Variants in ERBB4 observed in about 807,000 individuals in gnomAD.
ERBB4 encodes the protein erb-b2 receptor tyrosine kinase 4.
ERBB4 carries 42 observed loss-of-function variants against 158.0 expected under a neutral mutation model. The ratio of observed to expected loss-of-function variants is 0.27; its 90% CI spans 0.21 to 0.34. ERBB4 has a LOEUF of 0.34. Ranked by LOEUF, ERBB4 falls within the 10% of genes least tolerant of loss-of-function variation. The pLI is 1.00. For synonymous variants in ERBB4, 583 were observed against 558.7 expected (o/e 1.04, Z -0.61); for missense variants, 1,333 against 1,624.1 (o/e 0.82, Z 3.08).
At chr2:212,150,611 T>C (rs2080836396) in intron 1 of ERBB4, among the ~76,000 whole-genome samples, 4 of 152,154 alleles carry the variant, frequency 2.6e-5, no homozygotes, top group African/African-American at 9.7e-5. Context: ...GAGAATCCAA[T>C]GGGTTAAGAA....
At chr2:212,354,620 C>T (rs1000650872) in intron 1 of ERBB4, among the ~76,000 whole-genome samples, 8 of 152,210 alleles carry the variant, frequency 5.3e-5, no homozygotes, top group Admixed American at 4.6e-4. Context: ...TATCTTTAGA[C>T]CTGACTTCCA....
chr2:211,988,625 C>G (rs1043865520), intron 2 of ERBB4, among the ~76,000 whole-genome samples: 18 of 151,996 alleles, frequency 1.2e-4, no homozygotes, highest in African/African-American at 3.9e-4. Context: ...GGGAATAAGA[C>G]AGGTGTCAAA....
chr2:211,902,697 T>C (rs2079268940), intron 3 of ERBB4, among the ~76,000 whole-genome samples: 2 of 151,722 alleles, frequency 1.3e-5, no homozygotes, highest in Admixed American at 6.6e-5. Context: ...TAATTTTCCT[T>C]CTATGTATAT....
chr2:212,093,579 T>G lies in ERBB4; in HGVS notation c.234+31173A>C, dbSNP rs550691048. The stretch of plus-strand genomic sequence containing the variant: ...AATGAAAACAATGAAGCCAACTGCC[T>G]GGGTTTAAATCTTGGCTCTGCCATT... On this transcript the variant is annotated intron_variant, in intron 2 of 27. Transcript: ENST00000342788. Among the ~76,000 whole-genome samples, 12 of 152,344 alleles carry G rather than the reference T, an allele frequency of 7.9e-5. No homozygotes were observed. In the South Asian group the frequency reaches 2.5e-3, roughly 32 times the overall value.
intron 1 of ERBB4, among the ~76,000 whole-genome samples, chr2:212,417,222 T>C (rs1366337998): frequency 1.3e-5 from 2 of 152,064 alleles, no homozygotes; most frequent in African/African-American, 2.4e-5. Flanking sequence ...TAATTTATTT[T>C]ATACTTCTTA....
At chr2:212,305,718 G>A (rs2086786561) in intron 1 of ERBB4, among the ~76,000 whole-genome samples, 1 of 151,174 alleles carries the variant, frequency 6.6e-6, no homozygotes, top group Admixed American at 6.6e-5. Flanking sequence ...GGCAACACTT[G>A]ATAAAAATAC....
intron 3 of ERBB4, among the ~76,000 whole-genome samples, chr2:211,888,174 T>C (rs2078853731): frequency 6.6e-6 from 1 of 152,226 alleles, no homozygotes; most frequent in South Asian, 2.1e-4. Flanking sequence ...ACTGCCACTC[T>C]AACAATGAAA....
intron 2 of ERBB4, among the ~76,000 whole-genome samples, chr2:212,107,967 A>G (rs1409176332): frequency 6.6e-6 from 1 of 152,154 alleles, no homozygotes; most frequent in Non-Finnish European, 1.5e-5. Flanking sequence ...TTTAAATTAC[A>G]CAGTCTCGGG....
chr2:211,631,993 T>TA (rs562757262), intron 16 of ERBB4, among the ~76,000 whole-genome samples: 2 of 151,876 alleles, frequency 1.3e-5, no homozygotes, highest in East Asian at 1.9e-4. Context: ...AAAAAGCTCA[T>TA]AAAAAAAATC....
At chr2:211,894,482 A>G (rs1038950618) in intron 3 of ERBB4, among the ~76,000 whole-genome samples, 2 of 150,356 alleles carry the variant, frequency 1.3e-5, no homozygotes, top group Non-Finnish European at 3.0e-5. Flanking sequence ...TAGTGGGTGC[A>G]GCGCACCAGC....
At chr2:212,045,599 T>G (rs896613432) in intron 2 of ERBB4, among the ~76,000 whole-genome samples, 1 of 152,338 alleles carries the variant, frequency 6.6e-6, no homozygotes, top group African/African-American at 2.4e-5. Context: ...ATTGAAGTTT[T>G]AGCCTCAGGG....
At chr2:211,417,370 A>C (rs1439081203) in intron 25 of ERBB4, among the ~76,000 whole-genome samples, 2 of 152,138 alleles carry the variant, frequency 1.3e-5, no homozygotes, top group African/African-American at 4.8e-5. Flanking sequence ...GCTACTCTGG[A>C]GGCAGAGATG....
At chr2:211,945,489 T>C (rs1165664279) in intron 3 of ERBB4, among the ~76,000 whole-genome samples, 2 of 150,768 alleles carry the variant, frequency 1.3e-5, no homozygotes, top group African/African-American at 2.4e-5. Context: ...TGAATGAGTA[T>C]GTATTTTTCT....
At chr2:211,722,306 GT>G in intron 7 of ERBB4, 86 bp downstream of exon 7, 2 of 1,098,834 alleles carry the variant, frequency 1.8e-6, no homozygotes, top group East Asian at 5.1e-5. Flanking sequence ...ATTCTTACAA[GT>G]TTCACATTAA....
chr2:212,097,224 T>A (rs2078957976), intron 2 of ERBB4, among the ~76,000 whole-genome samples: 1 of 152,130 alleles, frequency 6.6e-6, no homozygotes. Context: ...ATCATTGTTG[T>A]AACAATGTAC....
intron 1 of ERBB4, among the ~76,000 whole-genome samples, chr2:212,155,319 A>G (rs1345712360): frequency 6.6e-6 from 1 of 151,572 alleles, no homozygotes; most frequent in Non-Finnish European, 1.5e-5. Flanking sequence ...AAAAGTTCAA[A>G]AGTTGGAATG....
chr2:212,515,696 T>C lies in ERBB4; in HGVS notation c.82+22753A>G, dbSNP rs542589320. Among the ~76,000 whole-genome samples, 41 of 152,042 alleles carry C rather than the reference T, an allele frequency of 2.7e-4. No individual in the cohort carries two copies. The South Asian group carries it at 8.1e-3, about 30-fold the overall frequency. On this transcript the variant is annotated intron_variant, in intron 1 of 27. Transcript: ENST00000342788. ...TTGTATTCACCTAAGAAAACTTAAA[T>C]TTTAAAAAAACAAAAAAAATTTTGA...
intron 3 of ERBB4, among the ~76,000 whole-genome samples, chr2:211,868,074 A>T (rs1186343033): frequency 6.6e-6 from 1 of 152,244 alleles, no homozygotes; most frequent in Admixed American, 6.5e-5. Flanking sequence ...TTTCCAGTAC[A>T]TAGAACTGCA....
At chr2:212,191,765 TTATATATAACACGTGTGTTA>T (rs1468972565) in intron 1 of ERBB4, among the ~76,000 whole-genome samples, 1,864 of 142,848 alleles carry the variant, frequency 0.013, 102 homozygotes, top group African/African-American at 0.041. Flanking sequence ...GTTATACATG[TTATATATAACACGTGTGTTA>T]TATGTTCTAT....
Sources: gnomAD v4.1 joint callset for allele counts (sites outside exome capture counted in the v4.1 genomes callset) on GRCh38, gnomAD v4.1.1 for gene constraint, MANE v1.5 for transcripts, NCBI Gene and HGNC (gene_info 2026-07-23, HGNC 2026-07-21) for gene names.